MYO16: variants seen among roughly 807,000 people sequenced by gnomAD.
MYO16 encodes myosin XVI.
In MYO16, 94 loss-of-function variants were observed where a neutral mutation model predicts 205.3. That is an observed-to-expected ratio of 0.46 (90% CI 0.39 to 0.54). The LOEUF (loss-of-function observed/expected upper bound fraction) is 0.54. Ranked by LOEUF, MYO16 falls within the 20% of genes least tolerant of loss-of-function variation. The pLI is 0.00. For missense variants in MYO16, 2,315 were observed against 2,387.5 expected, an observed-to-expected ratio of 0.97 and a Z score of 0.63; for synonymous variants, 988 against 954.0, an observed-to-expected ratio of 1.04 and a Z score of -0.66.
intron 4 of MYO16, among the ~76,000 whole-genome samples, chr13:108,785,340 A>G (rs568578301): frequency 7.9e-4 from 120 of 152,292 alleles, no homozygotes; most frequent in Non-Finnish European, 1.4e-3. Context: ...GCACAGAGGC[A>G]TGGGTTTGCA....
chr13:108,712,638 A>G lies in MYO16; in HGVS notation c.293-23A>G, dbSNP rs1383753445. ...TGGAAGAAGGACTCTCTGTAACTCCATTCTCCTCTCTGTTGTTTTCAGTGC... is the reference window on the plus strand; with the variant it reads ...TGGAAGAAGGACTCTCTGTAACTCCGTTCTCCTCTCTGTTGTTTTCAGTGC... On this transcript the variant is annotated intron_variant, in intron 2 of 34. Coordinates refer to ENST00000457511, the MANE Select transcript of MYO16 (RefSeq NM_001198950.3). 5 of 1,608,428 alleles carry G rather than the reference A, an allele frequency of 3.1e-6. No individual in the cohort carries two copies. The South Asian group carries it at 4.4e-5, about 14-fold the overall frequency.
chr13:109,104,944 T>TA (rs147896324), intron 28 of MYO16, among the ~76,000 whole-genome samples: 232 of 152,254 alleles, frequency 1.5e-3, no homozygotes, highest in African/African-American at 5.3e-3. Flanking sequence ...GACCTTCTGT[T>TA]ACGCTTCAGA....
intron 4 of MYO16, among the ~76,000 whole-genome samples, chr13:108,776,131 A>G (rs776568171): frequency 5.3e-5 from 8 of 152,220 alleles, no homozygotes; most frequent in Non-Finnish European, 8.8e-5. Context: ...GTTATCTCCA[A>G]ATGCAAATAT....
chr13:108,820,650 A>G (rs1271265855), intron 8 of MYO16, among the ~76,000 whole-genome samples: 4 of 152,076 alleles, frequency 2.6e-5, no homozygotes, highest in African/African-American at 9.7e-5. Context: ...GTACTGTTGT[A>G]CTTTGTTGTA....
At chr13:108,497,785 CA>C in the MYO16 span, among the ~76,000 whole-genome samples, 2 of 152,200 alleles carry the variant, frequency 1.3e-5, no homozygotes, top group African/African-American at 4.8e-5. Flanking sequence ...ATACAAGCCC[CA>C]CCTGCTGCTG....
At chr13:108,603,972 T>C (rs1878859440) in intron 1 of MYO16, among the ~76,000 whole-genome samples, 1 of 152,318 alleles carries the variant, frequency 6.6e-6, no homozygotes, top group South Asian at 2.1e-4. Flanking sequence ...TGACTCACAG[T>C]TCTGCTTGGC....
At chr13:108,869,517 G>A (rs1325471255) in intron 12 of MYO16, among the ~76,000 whole-genome samples, 1 of 151,094 alleles carries the variant, frequency 6.6e-6, no homozygotes, top group East Asian at 1.9e-4. Context: ...GAGGTCAGGA[G>A]ATCGAGACCA....
intron 2 of MYO16, among the ~76,000 whole-genome samples, chr13:108,711,569 C>A (rs1189684706): frequency 6.6e-6 from 1 of 152,220 alleles, no homozygotes; most frequent in Admixed American, 6.5e-5. Context: ...AAGAGCTTGG[C>A]CTTCCTGGAG....
At chr13:109,172,744 A>G (rs1257752545) in intron 33 of MYO16, among the ~76,000 whole-genome samples, 1 of 152,228 alleles carries the variant, frequency 6.6e-6, no homozygotes, top group Non-Finnish European at 1.5e-5. Context: ...TATTACCTAT[A>G]CACAGTTATT....
At chr13:108,733,888 G>T (rs929708857) in intron 4 of MYO16, among the ~76,000 whole-genome samples, 46 of 152,198 alleles carry the variant, frequency 3.0e-4, no homozygotes, top group African/African-American at 9.9e-4. Flanking sequence ...AGAATGGTGT[G>T]AACATGGGAG....
At chr13:108,600,435 G>T (rs1161946651) in intron 1 of MYO16, among the ~76,000 whole-genome samples, 1 of 152,180 alleles carries the variant, frequency 6.6e-6, no homozygotes, top group Non-Finnish European at 1.5e-5. Flanking sequence ...TACCTTGTGA[G>T]AAGCCAATAA....
At chr13:108,801,952 T>G (rs551528059) in intron 6 of MYO16, among the ~76,000 whole-genome samples, 6 of 152,200 alleles carry the variant, frequency 3.9e-5, no homozygotes. Context: ...TCTAATTTTA[T>G]TTAATATTAT....
chr13:108,816,701 G>A (rs559303328), intron 7 of MYO16, among the ~76,000 whole-genome samples: 1 of 152,180 alleles, frequency 6.6e-6, no homozygotes, highest in African/African-American at 2.4e-5. Flanking sequence ...TGCATAAAAG[G>A]TGTTTGTTTT....
intron 32 of MYO16, among the ~76,000 whole-genome samples, chr13:109,156,134 T>C (rs1177547243): frequency 1.3e-5 from 2 of 152,220 alleles, no homozygotes; most frequent in African/African-American, 4.8e-5. Flanking sequence ...TAAAAGGAGT[T>C]GCCCTGTGTA....
Position 109,019,850 on chromosome 13 carries a change from A to G in MYO16, c.2735A>G (p.Asn912Ser), listed in dbSNP as rs1407003345. ...NAVYSPMKDG[N>S]GNVALKDHGT... ...GTGTACTCCCCCATGAAGGATGGGAATGGGAATGTTGCCCTCAAAGACCAC... is the reference window on the plus strand; with the variant it reads ...GTGTACTCCCCCATGAAGGATGGGAGTGGGAATGTTGCCCTCAAAGACCAC... Residue 912 changes from asparagine to serine, a missense_variant, in exon 23 of 35, where the codon AAT (asparagine) becomes AGT (serine). Coordinates refer to ENST00000457511, the MANE Select transcript of MYO16 (RefSeq NM_001198950.3). 1.2e-6 allele frequency: 2 copies of G among 1,614,036 alleles called. No individual in the cohort carries two copies. The highest frequency in any genetic ancestry group is 1.3e-5 in the African/African-American group (1 of 74,930).
intron 2 of MYO16, among the ~76,000 whole-genome samples, chr13:108,693,377 T>C (rs1037286909): frequency 5.3e-5 from 8 of 152,166 alleles, no homozygotes; most frequent in African/African-American, 1.9e-4. Flanking sequence ...GCCCATTAAT[T>C]AGTCATTTTT....
chr13:108,503,010 T>G, the MYO16 span, among the ~76,000 whole-genome samples: 1 of 152,240 alleles, frequency 6.6e-6, no homozygotes, highest in Admixed American at 6.5e-5. Flanking sequence ...TTTCATTTTA[T>G]AGCGTGTAGA....
At chr13:108,754,741 TG>T (rs1332174855) in intron 4 of MYO16, among the ~76,000 whole-genome samples, 2 of 152,192 alleles carry the variant, frequency 1.3e-5, no homozygotes, top group East Asian at 3.9e-4. Context: ...AGAACTTTCT[TG>T]TCTGCCTGGT....
At chr13:108,820,506 A>G in intron 8 of MYO16, 94 bp downstream of exon 8, 1 of 971,858 alleles carries the variant, frequency 1.0e-6, no homozygotes, top group Non-Finnish European at 1.6e-6. Flanking sequence ...CTACAAAGTG[A>G]GAGCTGGACA....
Sources: allele counts gnomAD v4.1 joint callset (sites outside exome capture counted in the v4.1 genomes callset), GRCh38; gene constraint gnomAD v4.1.1; transcripts MANE v1.5; gene names NCBI Gene and HGNC (gene_info 2026-07-23, HGNC 2026-07-21).